CDC5L: variants seen among roughly 807,000 people sequenced by gnomAD.
CDC5L encodes cell division cycle 5-like protein.
A neutral mutation model predicts 104.1 loss-of-function variants in CDC5L; 18 were observed. That is an observed-to-expected ratio of 0.17 (90% CI 0.12 to 0.26). The LOEUF is 0.26. CDC5L is among the 10% of genes least tolerant of loss of function. The pLI is 1.00. For synonymous variants in CDC5L, 331 were observed against 322.7 expected, an observed-to-expected ratio of 1.03 and a Z score of -0.28; for missense variants, 673 against 956.9, an observed-to-expected ratio of 0.70 and a Z score of 3.91.
chr6:44,396,288 G>A (rs770156087), intron 4 of CDC5L, 53 bp from the exon 5 acceptor site: 28 of 1,151,938 alleles, frequency 2.4e-5, no homozygotes, highest in Non-Finnish European at 3.6e-5. Flanking sequence ...CTTGCTTCTA[G>A]AGTATGTAAG....
At chr6:44,414,102 C>A (rs911154301) in intron 8 of CDC5L, among the ~76,000 whole-genome samples, 2 of 152,122 alleles carry the variant, frequency 1.3e-5, no homozygotes, top group African/African-American at 4.8e-5. Context: ...GTTATTGAGA[C>A]AGGGTCTTGC....
At chr6:44,441,617 A>G (rs1793193408) in intron 14 of CDC5L, among the ~76,000 whole-genome samples, 1 of 152,186 alleles carries the variant, frequency 6.6e-6, no homozygotes, top group Non-Finnish European at 1.5e-5. Flanking sequence ...TCCCTTGCCA[A>G]CACATACTGT....
chr6:44,400,937 T>TA (rs1267777059), intron 5 of CDC5L, among the ~76,000 whole-genome samples: 1 of 152,218 alleles, frequency 6.6e-6, no homozygotes, highest in Non-Finnish European at 1.5e-5. Flanking sequence ...TGCTTCCTGA[T>TA]ATCAGTGTTT....
chr6:44,435,913 C>T (rs534517343), intron 14 of CDC5L, among the ~76,000 whole-genome samples: 1 of 151,852 alleles, frequency 6.6e-6, no homozygotes, highest in Non-Finnish European at 1.5e-5. Flanking sequence ...TCCCAAGTAG[C>T]TGAGATTACA....
chr6:44,388,940 TA>T (rs11571903), intron 1 of CDC5L, among the ~76,000 whole-genome samples: 145,638 of 152,202 alleles, frequency 0.96, 69,853 homozygotes, highest in Non-Finnish European at 0.99. Flanking sequence ...TAATAATACT[TA>T]ACCTCTCTTG....
At position 44,429,716 on chromosome 6, in the gene CDC5L, C is replaced by G. The variant is rs752533648; in HGVS notation, c.1897C>G (p.Gln633Glu). ...TTGAAATTATTATTGTAAACAGGCC[C>G]AGGATGTTTTGGTGCAGGAGATGGA... Reference protein sequence around the residue: ...KFSKEELKKAQDVLVQEMEVV... With the variant: ...KFSKEELKKAEDVLVQEMEVV... Residue 633 changes from glutamine to glutamate, a missense_variant, in exon 14 of 16, where the codon CAG becomes GAG. By Grantham distance (29) the Gln-to-Glu change is conservative. This residue lies in a region of CDC5L where 578 missense variants were observed against 737.0 expected (regional missense o/e 0.78). Transcript: ENST00000371477. 1.1e-5 allele frequency: 17 copies of G among 1,613,222 alleles called. No individual in the cohort carries two copies. The South Asian group carries it at 1.9e-4, about 18-fold the overall frequency.
intron 8 of CDC5L, among the ~76,000 whole-genome samples, chr6:44,410,788 G>A (rs1361982606): frequency 6.6e-6 from 1 of 151,958 alleles, no homozygotes; most frequent in East Asian, 1.9e-4. Context: ...GAGACTCATG[G>A]CCTTCAATTT....
intron 8 of CDC5L, among the ~76,000 whole-genome samples, chr6:44,411,637 A>AGTGTGTGTGTGTGTGTGTGTGTGTGTGT (rs55826820): frequency 5.7e-5 from 7 of 123,730 alleles, no homozygotes; most frequent in East Asian, 1.1e-3. Flanking sequence ...AGAGAGAGAG[A>AGTGTGTGTGTGTGTGTGTGTGTGTGTGT]GTGTGTGTGT....
At chr6:44,410,962 T>C (rs549776062) in intron 8 of CDC5L, among the ~76,000 whole-genome samples, 1 of 152,108 alleles carries the variant, frequency 6.6e-6, no homozygotes, top group East Asian at 1.9e-4. Flanking sequence ...TAATTTACTA[T>C]CATATATGTA....
chr6:44,415,996 C>T (rs1791889726), intron 8 of CDC5L, among the ~76,000 whole-genome samples: 1 of 152,050 alleles, frequency 6.6e-6, no homozygotes, highest in Non-Finnish European at 1.5e-5. Context: ...ACTTTGTGAG[C>T]TTTTATTGGT....
At chr6:44,390,186 G>A in intron 1 of CDC5L, 82 bp from the exon 2 acceptor site, 1 of 793,132 alleles carries the variant, frequency 1.3e-6, no homozygotes. Flanking sequence ...TTCTCCAATA[G>A]CCCTATCAGA....
intron 15 of CDC5L, among the ~76,000 whole-genome samples, chr6:44,446,362 G>A (rs1581665328): frequency 6.6e-6 from 1 of 152,296 alleles, no homozygotes; most frequent in African/African-American, 2.4e-5. Context: ...GCATTTGTGG[G>A]TATTGATAAG....
chr6:44,400,910 G>C (rs902389652), intron 5 of CDC5L, among the ~76,000 whole-genome samples: 1 of 152,138 alleles, frequency 6.6e-6, no homozygotes, highest in Non-Finnish European at 1.5e-5. Context: ...AGTCAAATTT[G>C]GGCTCCTTTG....
At position 44,448,688 on chromosome 6, in the gene CDC5L, G is replaced by A. The variant is rs1793540549; in HGVS notation, c.*1977G>A. 6.6e-6 allele frequency: 1 copy of A among 152,174 alleles called. No individual in the cohort carries two copies. The highest frequency in any genetic ancestry group is 2.4e-5 in the African/African-American group (1 of 41,432). 9.4% of individuals were successfully genotyped at this position (152,174 alleles called of 1,614,324 possible). ...TCAGTATCATCAGTGAATAATGATA[G>A]TGTTTCTTCTGATAGTTTTATTTCA... On this transcript the variant is annotated 3_prime_UTR_variant, in exon 16 of 16. Coordinates refer to ENST00000371477, the MANE Select transcript of CDC5L (RefSeq NM_001253.4).
At position 44,404,068 on chromosome 6, in the gene CDC5L, A is replaced by T. The variant is rs1164095264; in HGVS notation, c.758+41A>T. 5 of 1,441,246 alleles carry T rather than the reference A, an allele frequency of 3.5e-6. No homozygotes were observed. The South Asian group carries it at 6.2e-5, about 18-fold the overall frequency. The allele number at this position is 1,441,246 out of a possible 1,614,324, so 89.3% of individuals were successfully genotyped here. A position where few individuals can be genotyped will look rare whatever the true frequency, so the allele number is the denominator to read the frequency against. ...GATTTTGGAAATGGAAAGGAATAGT[A>T]GGAGGAGTCTTACGAAGGGCCAAGT... On this transcript the variant is annotated intron_variant, in intron 6 of 15. Transcript: ENST00000371477.
Position 44,429,928 on chromosome 6 carries a change from AT to A in CDC5L, c.2091+22del. ...GGCTCGAGGTTGGTATCCTTTTAAA[AT>A]TTTAATTTTAAATGTACTTTGATTG... is the stretch of plus-strand genomic sequence containing the variant. On this transcript the variant is annotated intron_variant, in intron 14 of 15. Coordinates refer to ENST00000371477, the MANE Select transcript of CDC5L (RefSeq NM_001253.4). The A allele has an allele frequency of 6.3e-7, 1 of 1,588,216 alleles. No homozygotes were observed. Among genetic ancestry groups the A allele is most frequent in the Non-Finnish European group, 8.6e-7 (1 of 1,160,454 alleles).
chr6:44,429,898 A>G lies in CDC5L; in HGVS notation c.2079A>G (p.Glu693=). The G allele has an allele frequency of 6.2e-7, 1 of 1,613,654 alleles. No individual in the cohort carries two copies. The highest frequency in any genetic ancestry group is 1.7e-4 in the Middle Eastern group (1 of 6,060). ...ASKKDRIESL[E]KRLEINRGHM... is the part of the protein sequence containing the mutation. ...AAAAGGACAGAATTGAATCACTTGAAAAGAGGCTCGAGGTTGGTATCCTTT... is the reference window on the plus strand; with the variant it reads ...AAAAGGACAGAATTGAATCACTTGAGAAGAGGCTCGAGGTTGGTATCCTTT... Residue 693 remains glutamate, a synonymous_variant, in exon 14 of 16, where the codon GAA becomes GAG. Coordinates refer to ENST00000371477, the MANE Select transcript of CDC5L (RefSeq NM_001253.4).
At position 44,396,396 on chromosome 6, in the gene CDC5L, G is replaced by A; in HGVS notation, c.495G>A (p.Lys165=). 1 of 1,613,260 alleles carries A rather than the reference G, an allele frequency of 6.2e-7. No homozygotes were observed. The highest frequency in any genetic ancestry group is 8.5e-7 in the Non-Finnish European group (1 of 1,179,548). The change falls in exon 5 of 16, where the codon AAG becomes AAA. Residue 165 remains lysine, a synonymous_variant. Coordinates refer to ENST00000371477, the MANE Select transcript of CDC5L (RefSeq NM_001253.4). ...ARARLANTQG[K]KAKRKAREKQ... is the part of the protein sequence containing the mutation. ...CCCGCTTGGCTAATACTCAGGGAAA[G>A]AAGGCCAAGAGGAAAGCAAGAGAGA... is the stretch of plus-strand genomic sequence containing the variant.
intron 14 of CDC5L, among the ~76,000 whole-genome samples, chr6:44,444,792 A>G (rs1235490549): frequency 7.2e-5 from 11 of 152,078 alleles, no homozygotes; most frequent in African/African-American, 1.2e-4. Context: ...GAGATTTAGG[A>G]TATAGTCCTT....
Sources: allele counts gnomAD v4.1 joint callset (sites outside exome capture counted in the v4.1 genomes callset), GRCh38; gene constraint gnomAD v4.1.1; regional missense constraint gnomAD v4.1.1; transcripts MANE v1.5; gene names NCBI Gene and HGNC (gene_info 2026-07-23, HGNC 2026-07-21).